Variants in CD28 observed in about 807,000 individuals in gnomAD.
CD28 encodes the protein CD28 molecule.
Under a neutral mutation model 21.4 loss-of-function variants are expected in CD28, and 8 were observed. That is an observed-to-expected ratio of 0.37 (90% CI 0.22 to 0.68). The LOEUF (loss-of-function observed/expected upper bound fraction) is 0.68. Among genes scored for constraint, CD28 ranks in the 30% least tolerant of loss-of-function variants. CD28 has a pLI of 0.55. For synonymous variants in CD28, 106 were observed against 104.0 expected (o/e 1.02, Z -0.12); for missense variants, 239 against 272.2 (o/e 0.88, Z 0.86).
chr2:203,731,584 G>A (rs1004337492), intron 3 of CD28, among the ~76,000 whole-genome samples: 5 of 152,134 alleles, frequency 3.3e-5, no homozygotes, highest in African/African-American at 1.2e-4. Flanking sequence ...AATGGCCAGA[G>A]GACACTGCTC....
intron 1 of CD28, among the ~76,000 whole-genome samples, chr2:203,707,772 C>T (rs981168174): frequency 6.6e-6 from 1 of 152,178 alleles, no homozygotes; most frequent in Non-Finnish European, 1.5e-5. Flanking sequence ...TCTGAACCAC[C>T]TTAGTCTGAC....
intron 1 of CD28, among the ~76,000 whole-genome samples, chr2:203,718,154 G>A (rs1010229613): frequency 7.9e-5 from 12 of 152,064 alleles, no homozygotes; most frequent in African/African-American, 2.9e-4. Context: ...AGGAAGCCAG[G>A]CCACCAGCTA....
intron 1 of CD28, among the ~76,000 whole-genome samples, chr2:203,714,073 T>C (rs1190230653): frequency 6.6e-6 from 1 of 151,532 alleles, no homozygotes; most frequent in Non-Finnish European, 1.5e-5. Flanking sequence ...TCTAAGAAGA[T>C]AGGGAGGAAG....
At position 203,738,603 on chromosome 2, in the gene CD28, C is replaced by T. The variant is rs1448734625; in HGVS notation, c.*3691C>T. ...TCAACCATCACAGGCATGTTCCTAC[C>T]TCAGGGCCTTTACATGTCCTGTTTA... is the stretch of plus-strand genomic sequence containing the variant. On this transcript the variant is annotated 3_prime_UTR_variant, in exon 4 of 4. Coordinates refer to ENST00000324106, the MANE Select transcript of CD28 (RefSeq NM_006139.4). 6.6e-6 allele frequency: 1 copy of T among 152,288 alleles called. No homozygotes were observed. Among genetic ancestry groups the T allele is most frequent in the East Asian group, 1.9e-4 (1 of 5,184 alleles). 9.4% of individuals were successfully genotyped at this position (152,288 alleles called of 1,614,324 possible). A position where few individuals can be genotyped will look rare whatever the true frequency, so the allele number is the denominator to read the frequency against.
At chr2:203,710,505 C>T (rs1348222524) in intron 1 of CD28, among the ~76,000 whole-genome samples, 1 of 152,218 alleles carries the variant, frequency 6.6e-6, no homozygotes, top group East Asian at 1.9e-4. Context: ...GAGGATCTCG[C>T]TGCCTCCCCT....
At chr2:203,727,570 C>T (rs923307150) in intron 2 of CD28, among the ~76,000 whole-genome samples, 4 of 151,818 alleles carry the variant, frequency 2.6e-5, no homozygotes, top group Non-Finnish European at 4.4e-5. Context: ...AGCTCTGCCT[C>T]CCGGGTTCAC....
chr2:203,714,375 T>A (rs1693405693), intron 1 of CD28, among the ~76,000 whole-genome samples: 1 of 152,066 alleles, frequency 6.6e-6, no homozygotes, highest in Non-Finnish European at 1.5e-5. Context: ...CTGCCCAACA[T>A]TATGGGCGGG....
intron 1 of CD28, among the ~76,000 whole-genome samples, chr2:203,715,315 T>C (rs888722479): frequency 3.3e-5 from 5 of 152,168 alleles, no homozygotes; most frequent in Non-Finnish European, 7.4e-5. Context: ...CCTTTTAGAA[T>C]AGTGAGATTT....
chr2:203,737,745 A>ATG lies in CD28; in HGVS notation c.*2833_*2834insTG, dbSNP rs1409522979. ...TCCTATAATTTTTGATTGTGAGCTC[A>ATG]CCTATTTGGGTTAAGCATGCCAATT... On this transcript the variant is annotated 3_prime_UTR_variant, in exon 4 of 4. Transcript: ENST00000324106. The ATG allele has an allele frequency of 1.3e-5, 2 of 152,606 alleles. No homozygotes were observed. The highest frequency in any genetic ancestry group is 2.9e-5 in the Non-Finnish European group (2 of 68,034). 9.5% of individuals were successfully genotyped at this position (152,606 alleles called of 1,614,324 possible).
At chr2:203,733,291 G>A (rs1693946456) in intron 3 of CD28, among the ~76,000 whole-genome samples, 2 of 152,134 alleles carry the variant, frequency 1.3e-5, no homozygotes, top group African/African-American at 4.8e-5. Flanking sequence ...GATCCAAAAT[G>A]TTTTTAGACT....
At chr2:203,718,440 G>A (rs10490573) in intron 1 of CD28, among the ~76,000 whole-genome samples, 22,813 of 152,200 alleles carry the variant, frequency 0.15, 1,930 homozygotes, top group Non-Finnish European at 0.19. Flanking sequence ...CCTTCACAGT[G>A]TGCTCACAAA....
At chr2:203,717,426 CT>C (rs1271917935) in intron 1 of CD28, among the ~76,000 whole-genome samples, 2 of 152,190 alleles carry the variant, frequency 1.3e-5, no homozygotes, top group Admixed American at 6.5e-5. Flanking sequence ...TCGCTGTCCC[CT>C]GGTCTCTTTC....
At chr2:203,708,073 A>T (rs1693209751) in intron 1 of CD28, among the ~76,000 whole-genome samples, 2 of 152,178 alleles carry the variant, frequency 1.3e-5, no homozygotes. Context: ...AAAAGCCAGT[A>T]TCCTCAATTT....
chr2:203,727,091 G>A, intron 2 of CD28, 102 bp downstream of exon 2: 1 of 725,506 alleles, frequency 1.4e-6, no homozygotes, highest in Non-Finnish European at 2.4e-6. Flanking sequence ...TAAGGCCTAA[G>A]TGATTTGATA....
intron 1 of CD28, among the ~76,000 whole-genome samples, chr2:203,708,254 A>G (rs931718273): frequency 6.6e-6 from 1 of 152,220 alleles, no homozygotes; most frequent in Non-Finnish European, 1.5e-5. Flanking sequence ...GTGTATATTT[A>G]TAAAACGTGT....
chr2:203,708,223 A>C (rs186699373), intron 1 of CD28, among the ~76,000 whole-genome samples: 1 of 152,194 alleles, frequency 6.6e-6, no homozygotes, highest in African/African-American at 2.4e-5. Flanking sequence ...TTATGGTCTG[A>C]CGTACCAGTG....
chr2:203,719,624 A>G (rs1693552729), intron 1 of CD28, among the ~76,000 whole-genome samples: 2 of 152,098 alleles, frequency 1.3e-5, no homozygotes, highest in African/African-American at 4.8e-5. Context: ...ACCTTGGACA[A>G]CTCATCTACC....
intron 2 of CD28, among the ~76,000 whole-genome samples, chr2:203,727,502 C>T (rs1450225239): frequency 2.8e-5 from 4 of 141,776 alleles, no homozygotes; most frequent in Non-Finnish European, 4.6e-5. Flanking sequence ...TTTTTTGAGA[C>T]GGACTCTCGC....
At position 203,711,914 on chromosome 2, in the gene CD28, G is replaced by A. The variant is rs530324269; in HGVS notation, c.52+5166G>A. Among the ~76,000 whole-genome samples the A allele has an allele frequency of 4.6e-5, 7 of 152,166 alleles. No individual in the cohort carries two copies. The East Asian group carries it at 1.4e-3, about 29-fold the overall frequency. On this transcript the variant is annotated intron_variant, in intron 1 of 3. Transcript: ENST00000324106. Reference sequence around the variant, plus strand: ...GAGAATATAAAAAGAAATATAGGCCGGATATGGTGCCTCACACCTGTAACC... The same window carrying A: ...GAGAATATAAAAAGAAATATAGGCCAGATATGGTGCCTCACACCTGTAACC...
Sources: gnomAD v4.1 joint callset for allele counts (sites outside exome capture counted in the v4.1 genomes callset) on GRCh38, gnomAD v4.1.1 for gene constraint, MANE v1.5 for transcripts, NCBI Gene and HGNC (gene_info 2026-07-23, HGNC 2026-07-21) for gene names.